Variants in MYOM2 observed in about 807,000 individuals in gnomAD.
MYOM2 encodes myomesin 2, also known as myomesin-2.
In MYOM2, 254 loss-of-function variants were observed where a neutral mutation model predicts 187.6. That is an observed-to-expected ratio of 1.35 (90% CI 1.22 to 1.50). The LOEUF is 1.50. MYOM2 is among the 40% of genes most tolerant of loss of function. MYOM2 has a pLI of 0.00. For missense variants in MYOM2, 2,796 were observed against 1,924.0 expected (o/e 1.45, Z -8.48); for synonymous variants, 981 against 753.8 (o/e 1.30, Z -4.94).
At chr8:2,076,029 CAG>C (rs1470646095) in intron 10 of MYOM2, 110 bp from the exon 11 acceptor site, 1 of 1,000,498 alleles carries the variant, frequency 1.0e-6, no homozygotes, top group African/African-American at 1.6e-5. Context: ...GAGAATTAAA[CAG>C]TGGTCAAATC....
In MYOM2 at chr8:2,140,813, T is replaced by C. The variant is rs991045844; in HGVS notation, c.3891T>C (p.Asp1297=). Residue 1297 remains aspartate, a synonymous_variant, in exon 33 of 37, where the codon GAT becomes GAC. Coordinates refer to ENST00000262113, the MANE Select transcript of MYOM2 (RefSeq NM_003970.4). ...AGATATGTGAGCCGACTGAGAAGGA[T>C]AAAGGAAAATACACTTTTGAGATTT... ...WLQICEPTEK[D]KGKYTFEIFD... 6.2e-7 allele frequency: 1 copy of C among 1,614,032 alleles called. No individual in the cohort carries two copies. The highest frequency in any genetic ancestry group is 8.5e-7 in the Non-Finnish European group (1 of 1,179,936).
chr8:2,061,886 A>T (rs1818861894), intron 6 of MYOM2, among the ~76,000 whole-genome samples: 1 of 152,184 alleles, frequency 6.6e-6, no homozygotes, highest in Admixed American at 6.5e-5. Context: ...TCAGGGGCCA[A>T]GACAAGGATG....
At chr8:2,064,257 C>G (rs1370310791) in intron 6 of MYOM2, among the ~76,000 whole-genome samples, 1 of 152,198 alleles carries the variant, frequency 6.6e-6, no homozygotes, top group Non-Finnish European at 1.5e-5. Context: ...CAGGGCAGGT[C>G]TTTGCGTTTG....
intron 15 of MYOM2, among the ~76,000 whole-genome samples, chr8:2,091,962 C>G (rs115227490): frequency 1.3e-5 from 2 of 152,200 alleles, no homozygotes; most frequent in African/African-American, 2.4e-5. Context: ...TTCAACAGAT[C>G]TGATAAAATT....
At chr8:2,104,834 C>T (rs556778526) in intron 21 of MYOM2, among the ~76,000 whole-genome samples, 3 of 152,274 alleles carry the variant, frequency 2.0e-5, no homozygotes, top group African/African-American at 7.2e-5. Context: ...CTACTCCATT[C>T]CAGTTTAACC....
chr8:2,126,883 T>C (rs1415288631), intron 31 of MYOM2, among the ~76,000 whole-genome samples: 4 of 85,048 alleles, frequency 4.7e-5, no homozygotes, highest in East Asian at 4.2e-4. Flanking sequence ...TGAGGGAGCA[T>C]TGAGAGAGGC....
chr8:2,091,822 C>T (rs1002511702), intron 15 of MYOM2, among the ~76,000 whole-genome samples: 5 of 152,112 alleles, frequency 3.3e-5, no homozygotes, highest in African/African-American at 4.8e-5. Context: ...CCCAGGTGGC[C>T]GGCACGGAGG....
At chr8:2,093,888 C>G (rs769571996) in intron 16 of MYOM2, 82 bp from the exon 17 acceptor site, 8 of 1,542,830 alleles carry the variant, frequency 5.2e-6, no homozygotes, top group Non-Finnish European at 7.0e-6. Context: ...TTTTATGGCG[C>G]GTTCAGGGTG....
At position 2,123,274 on chromosome 8, in the gene MYOM2, C is replaced by G; in HGVS notation, c.3476C>G (p.Thr1159Ser). The G allele has an allele frequency of 6.2e-7, 1 of 1,612,864 alleles. No homozygotes were observed. Among genetic ancestry groups the G allele is most frequent in the Non-Finnish European group, 8.5e-7 (1 of 1,179,670 alleles). ...CAGGTTGCAAACACCAAGAAAGAAA[C>G]CGTTTTCAAATGGCTCAAGGATGAT... ...VCKVANTKKE[T>S]VFKWLKDDVL... The change falls in exon 29 of 37, where the codon ACC becomes AGC. Residue 1159 changes from threonine to serine, a missense_variant. Coordinates refer to ENST00000262113, the MANE Select transcript of MYOM2 (RefSeq NM_003970.4).
intron 5 of MYOM2, among the ~76,000 whole-genome samples, chr8:2,058,338 C>T (rs1019167788): frequency 6.6e-6 from 1 of 152,076 alleles, no homozygotes; most frequent in Admixed American, 6.6e-5. Context: ...GTTTAAAAGT[C>T]ACTACCCTGA....
At chr8:2,114,183 C>G (rs1797161377) in intron 25 of MYOM2, among the ~76,000 whole-genome samples, 1 of 152,344 alleles carries the variant, frequency 6.6e-6, no homozygotes, top group African/African-American at 2.4e-5. Flanking sequence ...CCTGCAAGCT[C>G]AGAACTTTGG....
chr8:2,046,357 C>T (rs1370331616), intron 1 of MYOM2, among the ~76,000 whole-genome samples: 1 of 152,164 alleles, frequency 6.6e-6, no homozygotes, highest in Non-Finnish European at 1.5e-5. Flanking sequence ...TGTCATGATT[C>T]CTAAACGTGT....
intron 32 of MYOM2, among the ~76,000 whole-genome samples, chr8:2,134,007 C>A (rs879744628): frequency 1.1e-4 from 15 of 134,910 alleles, no homozygotes; most frequent in East Asian, 7.2e-4. Context: ...GAGGTTAACG[C>A]CTTGTGTAGC....
Position 2,072,431 on chromosome 8 carries a change from A to G in MYOM2, c.880A>G (p.Thr294Ala), listed in dbSNP as rs868801841. 1.9e-6 allele frequency: 3 copies of G among 1,614,124 alleles called. No homozygotes were observed. Among genetic ancestry groups the G allele is most frequent in the African/African-American group, 2.7e-5 (2 of 75,048 alleles). ...FGVTFRREGE[T>A]VTLKCTMLVT... ...GGTCACCTTCAGGAGGGAAGGCGAG[A>G]CGGTCACTCTCAAGTGCACCATGCT... Residue 294 changes from threonine (T) to alanine (A), a missense_variant, in exon 9 of 37, where the codon ACG (threonine) becomes GCG (alanine). Transcript: ENST00000262113.
chr8:2,145,280 G>T lies in MYOM2; in HGVS notation c.*299G>T. ...AGAATTTTCACGGGTGTGGGCACAT[G>T]GGTGTGGCACCTGGACGTGTGCAGC... On this transcript the variant is annotated 3_prime_UTR_variant, in exon 37 of 37. Transcript: ENST00000262113. 1 of 512,798 alleles carries T rather than the reference G, an allele frequency of 2.0e-6. No homozygotes were observed. The highest frequency in any genetic ancestry group is 3.4e-6 in the Non-Finnish European group (1 of 291,902). 31.8% of individuals were successfully genotyped at this position (512,798 alleles called of 1,614,324 possible).
intron 28 of MYOM2, among the ~76,000 whole-genome samples, chr8:2,120,669 T>TA (rs1342903303): frequency 5.2e-5 from 1 of 19,148 alleles, no homozygotes; most frequent in South Asian, 9.6e-4. Context: ...TATATATATA[T>TA]ATATATTATA....
intron 3 of MYOM2, among the ~76,000 whole-genome samples, chr8:2,055,224 G>A (rs566577426): frequency 1.3e-5 from 2 of 152,304 alleles, no homozygotes; most frequent in South Asian, 4.1e-4. Context: ...CAGAGTTACA[G>A]GACAGGGCTG....
chr8:2,100,923 G>A lies in MYOM2; in HGVS notation c.2488G>A (p.Val830Ile), dbSNP rs1796685232. ...CTGTGAGGTCAGGGACACGTCCTTG[G>A]TCATGCTGTGGAAGGCCCCTGTGTA... is the stretch of plus-strand genomic sequence containing the variant. ...TFCEVRDTSL[V>I]MLWKAPVYSG... Residue 830 changes from valine to isoleucine, a missense_variant, in exon 20 of 37, where the codon GTC becomes ATC. Coordinates refer to ENST00000262113, the MANE Select transcript of MYOM2 (RefSeq NM_003970.4). The A allele has an allele frequency of 1.9e-6, 3 of 1,614,074 alleles. No individual in the cohort carries two copies. In the African/African-American group the frequency reaches 4.0e-5, roughly 22 times the overall value.
chr8:2,090,963 A>T (rs1158191682), intron 15 of MYOM2, among the ~76,000 whole-genome samples: 2 of 140,106 alleles, frequency 1.4e-5, no homozygotes, highest in African/African-American at 5.3e-5. Flanking sequence ...AGAATGATTT[A>T]TATTCCTCTG....
Sources: gnomAD v4.1 joint callset for allele counts (sites outside exome capture counted in the v4.1 genomes callset) on GRCh38, gnomAD v4.1.1 for gene constraint, MANE v1.5 for transcripts, NCBI Gene and HGNC (gene_info 2026-07-23, HGNC 2026-07-21) for gene names.